Variants in MYMX observed in about 807,000 individuals in gnomAD.
MYMX encodes myomixer, myoblast fusion factor.
At chr6:44,197,336 C>T in the MYMX span, among the ~76,000 whole-genome samples, 1 of 152,130 alleles carries the variant, frequency 6.6e-6, no homozygotes, top group Non-Finnish European at 1.5e-5. Context: ...AGTTCGAGAC[C>T]AGCCTGACCA....
the MYMX span, among the ~76,000 whole-genome samples, chr6:44,200,170 T>TA: frequency 5.1e-4 from 75 of 146,298 alleles, no homozygotes; most frequent in East Asian, 7.9e-4. Context: ...GCCTACCTCT[T>TA]AAAAAAAAAA....
At chr6:44,198,453 C>G in the MYMX span, among the ~76,000 whole-genome samples, 4 of 152,014 alleles carry the variant, frequency 2.6e-5, no homozygotes, top group African/African-American at 9.7e-5. Context: ...GCGTGAGCCA[C>G]CGTGCCTGGC....
At chr6:44,195,560 G>A in the MYMX span, among the ~76,000 whole-genome samples, 1 of 152,004 alleles carries the variant, frequency 6.6e-6, no homozygotes, top group South Asian at 2.1e-4. Flanking sequence ...TCAACTTTCC[G>A]GGCTCAAGTG....
At chr6:44,200,316 A>G in the MYMX span, among the ~76,000 whole-genome samples, 2 of 150,738 alleles carry the variant, frequency 1.3e-5, no homozygotes, top group Non-Finnish European at 3.0e-5. Context: ...TTTTTATTTT[A>G]TTTTATTTTT....
rs1241352827 is a variant in MYMX, at chr6:44,217,646, C to G, written c.175C>G (p.Gln59Glu). Reference protein sequence around the residue: ...LLGCLLFILSQRHSPDAGEAS... With the variant: ...LLGCLLFILSERHSPDAGEAS... ...GGGCTGTCTGCTGTTCATTCTCAGCCAGCGACACTCGCCAGACGCTGGGGA... is the reference window on the plus strand; with the variant it reads ...GGGCTGTCTGCTGTTCATTCTCAGCGAGCGACACTCGCCAGACGCTGGGGA... Residue 59 changes from glutamine to glutamate, a missense_variant, in exon 2 of 2, where the codon CAG (glutamine) becomes GAG (glutamate). Coordinates refer to ENST00000573382, the MANE Select transcript of MYMX (RefSeq NM_001315494.2). The G allele has an allele frequency of 7.5e-6, 3 of 400,956 alleles. No individual in the cohort carries two copies. Among genetic ancestry groups the G allele is most frequent in the Admixed American group, 4.4e-5 (1 of 22,730 alleles). The allele number at this position is 400,956 out of a possible 1,614,324, so 24.8% of individuals were successfully genotyped here.
At chr6:44,217,390 T>C (rs987136316) in intron 1 of MYMX, 60 bp from the exon 2 acceptor site, 14 of 398,366 alleles carry the variant, frequency 3.5e-5, no homozygotes, top group Admixed American at 2.2e-4. Flanking sequence ...CCACCCCATG[T>C]CCTTGCCAGG....
chr6:44,203,538 T>C, the MYMX span, among the ~76,000 whole-genome samples: 1 of 152,118 alleles, frequency 6.6e-6, no homozygotes, highest in African/African-American at 2.4e-5. Context: ...CAACAGAACT[T>C]GGCCTTAGGG....
chr6:44,200,856 T>G, the MYMX span, among the ~76,000 whole-genome samples: 5 of 151,738 alleles, frequency 3.3e-5, no homozygotes, highest in Non-Finnish European at 7.4e-5. Context: ...GTCAGCTGAG[T>G]GGGGGGTGGG....
chr6:44,193,690 C>T, the MYMX span, among the ~76,000 whole-genome samples: 1 of 152,160 alleles, frequency 6.6e-6, no homozygotes, highest in Non-Finnish European at 1.5e-5. Context: ...CTAACTCTAA[C>T]AGTAATTTCT....
rs1317945089 is a variant in MYMX at position 44,217,901 on chromosome 6, G to A, written c.*175G>A. On this transcript the variant is annotated 3_prime_UTR_variant, in exon 2 of 2. Transcript: ENST00000573382. Reference sequence around the variant, plus strand: ...CCACTCCCAACAGAAATGTCTTTCTGGAAGAATGCCTTGCATCTAGCACAA... The same window carrying A: ...CCACTCCCAACAGAAATGTCTTTCTAGAAGAATGCCTTGCATCTAGCACAA... 2.5e-6 allele frequency: 1 copy of A among 397,502 alleles called. No homozygotes were observed. Among genetic ancestry groups the A allele is most frequent in the African/African-American group, 2.1e-5 (1 of 48,766 alleles). The allele number at this position is 397,502 out of a possible 1,614,324, so 24.6% of individuals were successfully genotyped here.
At position 44,217,612 on chromosome 6, in the gene MYMX, G is replaced by T; in HGVS notation, c.141G>T (p.Glu47Asp). The T allele has an allele frequency of 2.5e-6, 1 of 401,384 alleles. No homozygotes were observed. The highest frequency in any genetic ancestry group is 4.4e-6 in the Non-Finnish European group (1 of 226,620). 24.9% of individuals were successfully genotyped at this position (401,384 alleles called of 1,614,324 possible). Residue 47 changes from glutamate (E) to aspartate (D), a missense_variant, in exon 2 of 2, where the codon GAG becomes GAT. Transcript: ENST00000573382. ...ARRLGSQDMR[E>D]ALLGCLLFIL... Reference sequence around the variant, plus strand: ...GCCTGGGCTCCCAGGACATGCGAGAGGCTTTGCTGGGCTGTCTGCTGTTCA... The same window carrying T: ...GCCTGGGCTCCCAGGACATGCGAGATGCTTTGCTGGGCTGTCTGCTGTTCA...
At chr6:44,202,745 C>G in the MYMX span, among the ~76,000 whole-genome samples, 3 of 151,870 alleles carry the variant, frequency 2.0e-5, no homozygotes, top group African/African-American at 7.3e-5. Context: ...GCAGTTAATC[C>G]CAGGAAGAGT....
chr6:44,212,492 G>T (rs1775645463), upstream of MYMX, among the ~76,000 whole-genome samples: 1 of 151,672 alleles, frequency 6.6e-6, no homozygotes, highest in African/African-American at 2.4e-5. Context: ...TATTTGAGGT[G>T]ATATATAAGC....
At chr6:44,195,914 A>G in the MYMX span, among the ~76,000 whole-genome samples, 1 of 152,006 alleles carries the variant, frequency 6.6e-6, no homozygotes, top group African/African-American at 2.4e-5. Context: ...TTGTTATTAT[A>G]AAGAACATGA....
At chr6:44,213,483 G>C (rs142519948), upstream of MYMX, among the ~76,000 whole-genome samples, 1 of 148,398 alleles carries the variant, frequency 6.7e-6, no homozygotes, top group Non-Finnish European at 1.5e-5. Context: ...GTGCAATGGC[G>C]CGATCTCCAC....
At chr6:44,198,444 C>T in the MYMX span, among the ~76,000 whole-genome samples, 23 of 152,168 alleles carry the variant, frequency 1.5e-4, no homozygotes, top group African/African-American at 5.1e-4. Flanking sequence ...GGATTACAGG[C>T]GTGAGCCACC....
chr6:44,195,662 C>A, the MYMX span, among the ~76,000 whole-genome samples: 2 of 152,118 alleles, frequency 1.3e-5, no homozygotes, highest in Admixed American at 6.6e-5. Flanking sequence ...TGGATATGCA[C>A]CCACAAAAAT....
chr6:44,212,756 T>C (rs940474509), upstream of MYMX, among the ~76,000 whole-genome samples: 8 of 151,384 alleles, frequency 5.3e-5, no homozygotes, highest in Admixed American at 3.3e-4. Flanking sequence ...GGGCTTGGTG[T>C]CTCATGCCCG....
the MYMX span, among the ~76,000 whole-genome samples, chr6:44,198,468 C>T: frequency 4.0e-5 from 6 of 151,300 alleles, no homozygotes; most frequent in Non-Finnish European, 7.4e-5. Flanking sequence ...CCTGGCCTAT[C>T]CCAAATTCCT....
Sources: allele counts gnomAD v4.1 joint callset (sites outside exome capture counted in the v4.1 genomes callset), GRCh38; gene constraint gnomAD v4.1.1; transcripts MANE v1.5; gene names NCBI Gene and HGNC (gene_info 2026-07-23, HGNC 2026-07-21).